The following MAN1A1 variants were observed in gnomAD, a reference collection of about 807,000 sequenced individuals.
The protein encoded by MAN1A1 is mannosyl-oligosaccharide 1,2-alpha-mannosidase IA.
A neutral mutation model predicts 70.8 loss-of-function variants in MAN1A1; 29 were observed. The ratio of observed to expected loss-of-function variants is 0.41; its 90% CI spans 0.31 to 0.56. The LOEUF is 0.56. Ranked by LOEUF, MAN1A1 falls within the 20% of genes least tolerant of loss-of-function variation. MAN1A1 has a pLI of 0.29. For missense variants in MAN1A1, 747 were observed against 841.3 expected (o/e 0.89, Z 1.39); for synonymous variants, 349 against 330.1 (o/e 1.06, Z -0.62).
intron 2 of MAN1A1, among the ~76,000 whole-genome samples, chr6:119,344,827 C>T (rs1409161756): frequency 1.3e-5 from 2 of 152,156 alleles, no homozygotes; most frequent in Non-Finnish European, 2.9e-5. Flanking sequence ...TACTAGCCAT[C>T]AATATGAAAA....
chr6:119,287,399 ATG>A (rs1217778778), intron 5 of MAN1A1, among the ~76,000 whole-genome samples: 1 of 152,108 alleles, frequency 6.6e-6, no homozygotes, highest in African/African-American at 2.4e-5. Context: ...TCTTTTCTAC[ATG>A]TGTCATCTTC....
At position 119,193,814 on chromosome 6, in the gene MAN1A1, T is replaced by A; in HGVS notation, c.1289A>T (p.Asp430Val). The A allele has an allele frequency of 6.2e-7, 1 of 1,613,730 alleles. No individual in the cohort carries two copies. Among genetic ancestry groups the A allele is most frequent in the Non-Finnish European group, 8.5e-7 (1 of 1,179,766 alleles). The stretch of plus-strand genomic sequence containing the variant: ...AAAATACATCTTCTTAGCTTCCAGA[T>A]CTGTCTTGTCAGACATTAACCAGGC... The part of the protein sequence containing the change: ...LKAWLMSDKT[D>V]LEAKKMYFDA... Residue 430 changes from aspartate to valine, a missense_variant, in exon 9 of 13, where the codon GAT becomes GTT. Transcript: ENST00000368468.
intron 6 of MAN1A1, among the ~76,000 whole-genome samples, chr6:119,235,036 C>T (rs1454488469): frequency 6.6e-6 from 1 of 152,140 alleles, no homozygotes; most frequent in Non-Finnish European, 1.5e-5. Context: ...AAATGATGAA[C>T]TTAACTTGTA....
intron 6 of MAN1A1, among the ~76,000 whole-genome samples, chr6:119,239,174 G>A (rs926000539): frequency 2.0e-5 from 3 of 151,852 alleles, no homozygotes; most frequent in South Asian, 2.1e-4. Flanking sequence ...CACCGCACCC[G>A]GCCTGAAACT....
intron 2 of MAN1A1, among the ~76,000 whole-genome samples, chr6:119,334,216 G>T (rs940511544): frequency 5.3e-5 from 8 of 152,124 alleles, no homozygotes; most frequent in African/African-American, 1.9e-4. Flanking sequence ...ACAGCAAGCA[G>T]ATTTTAAATT....
intron 6 of MAN1A1, among the ~76,000 whole-genome samples, chr6:119,220,864 A>G (rs1312864469): frequency 6.6e-6 from 1 of 152,198 alleles, no homozygotes; most frequent in Non-Finnish European, 1.5e-5. Flanking sequence ...AAATTGAGAT[A>G]TCACCAATCT....
chr6:119,348,135 T>A (rs967507788), intron 2 of MAN1A1, among the ~76,000 whole-genome samples: 1 of 152,162 alleles, frequency 6.6e-6, no homozygotes, highest in Non-Finnish European at 1.5e-5. Context: ...CTGTTACTGG[T>A]GGGGCGATTA....
chr6:119,319,387 A>ATCATCATCATC (rs1562240878), intron 2 of MAN1A1, among the ~76,000 whole-genome samples: 4 of 140,872 alleles, frequency 2.8e-5, no homozygotes, highest in African/African-American at 7.7e-5. Flanking sequence ...TAATAATAAT[A>ATCATCATCATC]ATAATCATCA....
chr6:119,260,896 C>T (rs995830247), intron 5 of MAN1A1, among the ~76,000 whole-genome samples: 3 of 150,986 alleles, frequency 2.0e-5, no homozygotes, highest in African/African-American at 4.9e-5. Context: ...AGAATACAAA[C>T]ACAAATAATA....
intron 6 of MAN1A1, among the ~76,000 whole-genome samples, chr6:119,233,535 T>C (rs1050404207): frequency 2.0e-4 from 30 of 152,182 alleles, no homozygotes; most frequent in African/African-American, 7.2e-4. Context: ...GGCTTAAAGG[T>C]GAATGACATT....
rs187827143 is a variant in MAN1A1, at chr6:119,189,032, C to T, written c.1547-455G>A. On this transcript the variant is annotated intron_variant, in intron 10 of 12. Transcript: ENST00000368468. ...AATGTCAAAGTAGTCATTTTAAAAA[C>T]GAGTTATAAACATCATGTAATATAT... 5.3e-5 allele frequency among the ~76,000 whole-genome samples: 8 copies of T among 152,186 alleles called. No individual in the cohort carries two copies. In the East Asian group the frequency reaches 7.7e-4, roughly 15 times the overall value.
At chr6:119,224,111 C>T (rs1214023333) in intron 6 of MAN1A1, among the ~76,000 whole-genome samples, 1 of 152,078 alleles carries the variant, frequency 6.6e-6, no homozygotes, top group Non-Finnish European at 1.5e-5. Context: ...AGAGGTGGGA[C>T]CAAAACACTG....
At position 119,214,610 on chromosome 6, in the gene MAN1A1, C is replaced by T. The variant is rs75399279; in HGVS notation, c.993-9728G>A. The stretch of plus-strand genomic sequence containing the variant: ...TCTCAGCTCACTGCAGCCTCTTCTT[C>T]CTGGGCTCAAGCACTCTTCCCACCT... On this transcript the variant is annotated intron_variant, in intron 6 of 12. Transcript: ENST00000368468. 5.0e-3 allele frequency among the ~76,000 whole-genome samples: 765 copies of T among 152,214 alleles called. 3 individuals carry two copies. The highest frequency in any genetic ancestry group is 0.031 in the Middle Eastern group (9 of 294).
intron 5 of MAN1A1, among the ~76,000 whole-genome samples, chr6:119,253,991 T>G (rs140790749): frequency 6.6e-5 from 10 of 152,330 alleles, no homozygotes; most frequent in African/African-American, 2.4e-4. Context: ...AATGTTTGAT[T>G]TGTTATCTCC....
chr6:119,242,409 C>A (rs1193605889), intron 6 of MAN1A1, among the ~76,000 whole-genome samples: 1 of 152,106 alleles, frequency 6.6e-6, no homozygotes. Context: ...CACATTGAGA[C>A]ATTCTCTCCA....
At chr6:119,258,626 A>G (rs962154915) in intron 5 of MAN1A1, among the ~76,000 whole-genome samples, 1 of 152,202 alleles carries the variant, frequency 6.6e-6, no homozygotes, top group African/African-American at 2.4e-5. Context: ...GCATGACTGC[A>G]TATCATAATT....
chr6:119,280,927 G>C (rs1776210447), intron 5 of MAN1A1, among the ~76,000 whole-genome samples: 1 of 152,224 alleles, frequency 6.6e-6, no homozygotes, highest in South Asian at 2.1e-4. Context: ...GTGGTGGAAG[G>C]AAAAGCACCA....
upstream of MAN1A1, among the ~76,000 whole-genome samples, chr6:119,350,146 C>T (rs1005299231): frequency 5.9e-5 from 9 of 152,270 alleles, no homozygotes; most frequent in Middle Eastern, 3.4e-3. Context: ...CCGCGCGGGA[C>T]CTCTCTGCCT....
chr6:119,246,060 A>G (rs181222592), intron 6 of MAN1A1, among the ~76,000 whole-genome samples: 1 of 152,302 alleles, frequency 6.6e-6, no homozygotes, highest in Admixed American at 6.5e-5. Context: ...TGGCAGTTGG[A>G]AATAAACAGT....
Sources: allele counts gnomAD v4.1 joint callset (sites outside exome capture counted in the v4.1 genomes callset), GRCh38; gene constraint gnomAD v4.1.1; transcripts MANE v1.5; gene names NCBI Gene and HGNC (gene_info 2026-07-23, HGNC 2026-07-21).